The following DST variants were observed in gnomAD, a reference collection of about 807,000 sequenced individuals.
DST encodes the protein dystonin, also known as bullous pemphigoid antigen.
DST carries 253 observed loss-of-function variants against 875.2 expected under a neutral mutation model. That is an observed-to-expected ratio of 0.29 (90% CI 0.26 to 0.32). The LOEUF (loss-of-function observed/expected upper bound fraction) is 0.32. DST is among the 10% of genes least tolerant of loss of function. The pLI, the probability that DST is intolerant of heterozygous loss-of-function variation, is 1.00. For missense variants in DST, 8,287 were observed against 9,111.6 expected, an observed-to-expected ratio of 0.91 and a Z score of 3.68; for synonymous variants, 3,124 against 3,197.1, an observed-to-expected ratio of 0.98 and a Z score of 0.77.
At position 56,657,146 on chromosome 6, in the gene DST, A is replaced by AT. The variant is rs1380644599; in HGVS notation, c.1215-5903dup. On this transcript the variant is annotated intron_variant, in intron 10 of 103. Coordinates refer to ENST00000680361, the MANE Select transcript of DST (RefSeq NM_001374736.1). ...TTAATTTCTTTTCAAGATTATAAGC[A>AT]TTTTGTATTGGGGAAAAAACATCCA... is the stretch of plus-strand genomic sequence containing the variant. Among the ~76,000 whole-genome samples the AT allele has an allele frequency of 2.0e-5, 3 of 152,122 alleles. No homozygotes were observed. In the East Asian group the frequency reaches 5.8e-4, roughly 29 times the overall value.
Position 56,611,615 on chromosome 6 carries a change from AC to A in DST, c.5059-20del, listed in dbSNP as rs762537860. On this transcript the variant is annotated intron_variant, in intron 37 of 103. Coordinates refer to ENST00000680361, the MANE Select transcript of DST (RefSeq NM_001374736.1). The stretch of plus-strand genomic sequence containing the variant: ...TGGAAATCTGTAAGGTAAAGAAGGC[AC>A]ATTCAAACTCTTCCTCCAAAAGGAG... The A allele has an allele frequency of 2.0e-6, 3 of 1,513,514 alleles. No homozygotes were observed. Among genetic ancestry groups the A allele is most frequent in the Non-Finnish European group, 2.7e-6 (3 of 1,094,204 alleles). 93.8% of individuals were successfully genotyped at this position (1,513,514 alleles called of 1,614,324 possible).
chr6:56,560,255 C>T, intron 58 of DST, 39 bp downstream of exon 58: 1 of 1,516,000 alleles, frequency 6.6e-7, no homozygotes, highest in Non-Finnish European at 8.9e-7. Context: ...AATGATTGCA[C>T]TTTTCTTCAT....
chr6:56,807,709 T>C (rs113271897), intron 4 of DST, among the ~76,000 whole-genome samples: 3,628 of 152,282 alleles, frequency 0.024, 62 homozygotes, highest in Middle Eastern at 0.044. Flanking sequence ...TTACCTAGCA[T>C]CATACACAAA....
chr6:56,767,995 GA>G (rs373594380), intron 4 of DST, among the ~76,000 whole-genome samples: 11 of 152,254 alleles, frequency 7.2e-5, no homozygotes, highest in African/African-American at 2.6e-4. Flanking sequence ...ATTAAAAGAT[GA>G]AGCTAAAGAG....
At chr6:56,601,700 A>G in intron 43 of DST, 24 bp from the exon 44 acceptor site, 1 of 1,385,456 alleles carries the variant, frequency 7.2e-7, no homozygotes, top group South Asian at 1.3e-5. Context: ...AGTACAAGCT[A>G]TCAGTAGAAA....
At chr6:56,806,200 G>C (rs1455903225) in intron 4 of DST, among the ~76,000 whole-genome samples, 1 of 152,122 alleles carries the variant, frequency 6.6e-6, no homozygotes, top group Non-Finnish European at 1.5e-5. Context: ...TCCCATAAAT[G>C]AGGCAAAATT....
intron 4 of DST, among the ~76,000 whole-genome samples, chr6:56,756,567 G>A (rs1407476791): frequency 1.3e-5 from 2 of 152,190 alleles, no homozygotes; most frequent in Non-Finnish European, 2.9e-5. Context: ...TGGCAGGAAT[G>A]AGCACAGTGT....
chr6:56,851,434 C>G lies in DST; in HGVS notation c.588G>C (p.Val196=), dbSNP rs775290270. The G allele has an allele frequency of 6.2e-7, 1 of 1,613,786 alleles. No individual in the cohort carries two copies. ...RSKRKIQGGS[V]LDPAERAVLR... ...GCACTGCCCTCTCGGCAGGGTCCAG[C>G]ACTGAGCCCCCTTGAATCTTTCTTT... The change falls in exon 4 of 104, where the codon GTG becomes GTC. Residue 196 remains valine, a synonymous_variant. Transcript: ENST00000680361.
intron 2 of DST, among the ~76,000 whole-genome samples, chr6:56,935,630 T>C (rs1812610196): frequency 6.6e-6 from 1 of 152,100 alleles, no homozygotes; most frequent in South Asian, 2.1e-4. Flanking sequence ...GCAGAAAATA[T>C]AAAGAATAAT....
Position 56,604,410 on chromosome 6 carries a change from G to A in DST, c.10218C>T (p.Pro3406=). 1 of 1,610,130 alleles carries A rather than the reference G, an allele frequency of 6.2e-7. No homozygotes were observed. The highest frequency in any genetic ancestry group is 8.5e-7 in the Non-Finnish European group (1 of 1,177,806). The change falls in exon 40 of 104, where the codon CCC becomes CCT. Residue 3406 remains proline, a synonymous_variant. Transcript: ENST00000680361. ...SQLVNEASTV[P]SDSQMSDSSG... ...AAGAGTCACTCATTTGAGAGTCGCT[G>A]GGCACAGTAGATGCCTCATTTACCA... is the stretch of plus-strand genomic sequence containing the variant.
At position 56,645,877 on chromosome 6, in the gene DST, T is replaced by C; in HGVS notation, c.1767A>G (p.Pro589=). 6.2e-7 allele frequency: 1 copy of C among 1,613,730 alleles called. No individual in the cohort carries two copies. The highest frequency in any genetic ancestry group is 1.1e-5 in the South Asian group (1 of 91,022). ...CACCTCTGGCCTACCTTTCTACTTC[T>C]GGACGAAGGGCCTTCTCTCTCTCTA... The part of the protein sequence containing the change: ...AMLEREKALR[P]EVERLEMLQQ... The change falls in exon 15 of 104, where the codon CCA becomes CCG. Residue 589 remains proline (P), a synonymous_variant. Transcript: ENST00000680361.
At chr6:56,656,224 C>T (rs1201779211) in intron 10 of DST, among the ~76,000 whole-genome samples, 2 of 152,212 alleles carry the variant, frequency 1.3e-5, no homozygotes, top group African/African-American at 2.4e-5. Flanking sequence ...AAGCACACAC[C>T]CTTTCGAGGT....
At chr6:56,573,592 G>T in intron 51 of DST, 87 bp downstream of exon 51, 3 of 1,000,432 alleles carry the variant, frequency 3.0e-6, no homozygotes, top group Non-Finnish European at 3.0e-6. Flanking sequence ...GTGTCCTTAA[G>T]TTTATCTTAA....
At chr6:56,787,657 GATTA>G (rs1437949950) in intron 4 of DST, among the ~76,000 whole-genome samples, 1 of 152,116 alleles carries the variant, frequency 6.6e-6, no homozygotes, top group Non-Finnish European at 1.5e-5. Flanking sequence ...TAACCATAGT[GATTA>G]ATTATGTTTG....
At chr6:56,688,890 G>C (rs1008879063) in intron 9 of DST, among the ~76,000 whole-genome samples, 1 of 152,184 alleles carries the variant, frequency 6.6e-6, no homozygotes, top group Non-Finnish European at 1.5e-5. Flanking sequence ...GGGAAAGAGA[G>C]AGGAGTAATA....
At chr6:56,747,031 C>T (rs1004967874) in intron 4 of DST, among the ~76,000 whole-genome samples, 2 of 151,960 alleles carry the variant, frequency 1.3e-5, no homozygotes, top group Admixed American at 1.3e-4. Context: ...GAATGGCTGC[C>T]CAGTCTGAGA....
intron 5 of DST, among the ~76,000 whole-genome samples, chr6:56,717,016 C>A (rs1397813352): frequency 6.6e-6 from 1 of 151,544 alleles, no homozygotes; most frequent in Non-Finnish European, 1.5e-5. Flanking sequence ...CCCATCTCTA[C>A]TAAAAAAATA....
At position 56,487,219 on chromosome 6, in the gene DST, T is replaced by C. The variant is rs1288231987; in HGVS notation, c.20932A>G (p.Thr6978Ala). The C allele has an allele frequency of 6.2e-7, 1 of 1,613,422 alleles. No homozygotes were observed. Among genetic ancestry groups the C allele is most frequent in the South Asian group, 1.1e-5 (1 of 90,928 alleles). The change falls in exon 87 of 104, where the codon ACT becomes GCT. Residue 6978 changes from threonine to alanine, a missense_variant. Coordinates refer to ENST00000680361, the MANE Select transcript of DST (RefSeq NM_001374736.1). The stretch of plus-strand genomic sequence containing the variant: ...GTTTTCTCCTTCAGAGAACGTCCAG[T>C]CCTGTTGGTGGTGTCGTAGACAGAA... ...KHSVYDTTNR[T>A]GRSLKEKTSL... is the part of the protein sequence containing the mutation.
chr6:56,745,904 A>C (rs1589539098), intron 4 of DST, among the ~76,000 whole-genome samples: 1 of 152,252 alleles, frequency 6.6e-6, no homozygotes, highest in African/African-American at 2.4e-5. Context: ...ATTTGTAAGA[A>C]TGATAATGCT....
Sources: gnomAD v4.1 joint callset for allele counts (sites outside exome capture counted in the v4.1 genomes callset) on GRCh38, gnomAD v4.1.1 for gene constraint, MANE v1.5 for transcripts, NCBI Gene and HGNC (gene_info 2026-07-23, HGNC 2026-07-21) for gene names.